The following SLC14A2 variants were observed in gnomAD, a reference collection of about 807,000 sequenced individuals.
SLC14A2 encodes the protein urea transporter 2.
Under a neutral mutation model 104.6 loss-of-function variants are expected in SLC14A2, and 91 were observed. That is an observed-to-expected ratio of 0.87 (90% CI 0.73 to 1.04). The LOEUF is 1.04. Ranked by LOEUF, SLC14A2 falls within the 50% of genes least tolerant of loss-of-function variation. The pLI is 0.00. For synonymous variants in SLC14A2, 476 were observed against 466.4 expected, an observed-to-expected ratio of 1.02 and a Z score of -0.27; for missense variants, 1,189 against 1,156.0, an observed-to-expected ratio of 1.03 and a Z score of -0.41.
intron 1 of SLC14A2, among the ~76,000 whole-genome samples, chr18:45,320,026 G>A (rs116078850): frequency 2.8e-3 from 423 of 152,278 alleles, no homozygotes; most frequent in African/African-American, 9.8e-3. Context: ...CCAGGCGTTG[G>A]GAGACCAGAC....
chr18:45,400,646 A>C (rs536609395), intron 1 of SLC14A2, among the ~76,000 whole-genome samples: 6 of 152,210 alleles, frequency 3.9e-5, no homozygotes, highest in Non-Finnish European at 5.9e-5. Context: ...TTATCCATCA[A>C]TGTTTCTTGC....
chr18:45,193,657 C>A, the SLC14A2 span, among the ~76,000 whole-genome samples: 1 of 152,090 alleles, frequency 6.6e-6, no homozygotes, highest in Non-Finnish European at 1.5e-5. Flanking sequence ...TAGCCATCTA[C>A]CTTTATTCTT....
At chr18:45,625,560 G>A in intron 2 of SLC14A2, 123 bp from the exon 3 acceptor site, 1 of 717,446 alleles carries the variant, frequency 1.4e-6, no homozygotes, top group Non-Finnish European at 2.2e-6. Context: ...ATGGGCATGT[G>A]TTCCACCCTT....
At chr18:45,215,973 A>G (rs1484502984) in intron 1 of SLC14A2, among the ~76,000 whole-genome samples, 7 of 152,210 alleles carry the variant, frequency 4.6e-5, no homozygotes, top group Admixed American at 4.6e-4. Context: ...CCTATTGAGT[A>G]CATAACATGA....
At chr18:45,349,587 A>G (rs1369328466) in intron 1 of SLC14A2, among the ~76,000 whole-genome samples, 1 of 152,196 alleles carries the variant, frequency 6.6e-6, no homozygotes, top group African/African-American at 2.4e-5. Flanking sequence ...AGTGGTCCCC[A>G]TGTTGCACTG....
At chr18:45,533,757 C>T (rs1017181535) in intron 2 of SLC14A2, among the ~76,000 whole-genome samples, 1 of 152,094 alleles carries the variant, frequency 6.6e-6, no homozygotes, top group Non-Finnish European at 1.5e-5. Context: ...AATGTGTTTG[C>T]TCTTGCTTCT....
chr18:45,337,998 G>C (rs1056344603), intron 1 of SLC14A2, among the ~76,000 whole-genome samples: 4 of 152,050 alleles, frequency 2.6e-5, no homozygotes, highest in Non-Finnish European at 5.9e-5. Flanking sequence ...TAACCTGGAG[G>C]CTTCATCTAC....
chr18:45,249,471 A>C lies in SLC14A2; in HGVS notation c.-125+36280A>C, dbSNP rs544545866. On this transcript the variant is annotated intron_variant, in intron 1 of 20. Transcript: ENST00000586448. The stretch of plus-strand genomic sequence containing the variant: ...TTGAAACAACTATTATAAAACATTC[A>C]TTTGAGAAAAGACATAACTGATCTC... Among the ~76,000 whole-genome samples, 4 of 152,188 alleles carry C rather than the reference A, an allele frequency of 2.6e-5. No homozygotes were observed. In the East Asian group the frequency reaches 7.7e-4, roughly 29 times the overall value.
chr18:45,238,466 C>A (rs2084278575), intron 1 of SLC14A2, among the ~76,000 whole-genome samples: 1 of 152,214 alleles, frequency 6.6e-6, no homozygotes, highest in Non-Finnish European at 1.5e-5. Flanking sequence ...CATGCTCATG[C>A]TCCTTGGCCC....
chr18:45,337,141 G>T (rs773355529), intron 1 of SLC14A2, among the ~76,000 whole-genome samples: 43 of 152,296 alleles, frequency 2.8e-4, no homozygotes, highest in Non-Finnish European at 4.6e-4. Context: ...GTAGCCAGGA[G>T]ACTTTGGCTA....
chr18:45,221,691 G>T (rs939274461), intron 1 of SLC14A2, among the ~76,000 whole-genome samples: 2 of 152,120 alleles, frequency 1.3e-5, no homozygotes, highest in African/African-American at 4.8e-5. Context: ...TCAGTGCAAC[G>T]TGAGAAGTAC....
At chr18:45,445,177 C>T (rs953641008) in intron 1 of SLC14A2, among the ~76,000 whole-genome samples, 5 of 143,104 alleles carry the variant, frequency 3.5e-5, no homozygotes, top group Non-Finnish European at 7.4e-5. Flanking sequence ...AGTGGCACAA[C>T]GTTGGCTCAC....
At chr18:45,334,370 CAT>C (rs1180519991) in intron 1 of SLC14A2, among the ~76,000 whole-genome samples, 1 of 152,194 alleles carries the variant, frequency 6.6e-6, no homozygotes, top group Non-Finnish European at 1.5e-5. Flanking sequence ...GCAGTAGCCA[CAT>C]GTTTCAGTTC....
At chr18:45,344,553 T>C (rs1299002095) in intron 1 of SLC14A2, among the ~76,000 whole-genome samples, 2 of 152,086 alleles carry the variant, frequency 1.3e-5, no homozygotes, top group African/African-American at 4.8e-5. Flanking sequence ...TAGAGCAGGG[T>C]CTAGAAGGGT....
intron 6 of SLC14A2, among the ~76,000 whole-genome samples, chr18:45,638,887 C>G (rs890955328): frequency 3.3e-5 from 5 of 152,210 alleles, no homozygotes; most frequent in Non-Finnish European, 7.3e-5. Context: ...CCTCTACTCC[C>G]AGGCCAGTGC....
At chr18:45,187,278 T>G in the SLC14A2 span, among the ~76,000 whole-genome samples, 5 of 152,052 alleles carry the variant, frequency 3.3e-5, no homozygotes, top group African/African-American at 1.2e-4. Flanking sequence ...ACAGACAACC[T>G]CAAAAGTTTA....
chr18:45,370,188 A>G (rs553674657), intron 1 of SLC14A2, among the ~76,000 whole-genome samples: 52 of 152,296 alleles, frequency 3.4e-4, no homozygotes, highest in Admixed American at 9.2e-4. Context: ...CTTCCTGGAA[A>G]AGGAGTATAA....
intron 1 of SLC14A2, among the ~76,000 whole-genome samples, chr18:45,478,386 T>C (rs1225370042): frequency 1.3e-5 from 2 of 152,214 alleles, no homozygotes; most frequent in Non-Finnish European, 2.9e-5. Flanking sequence ...CTGCCTTCTG[T>C]ACTGATCTCA....
intron 1 of SLC14A2, among the ~76,000 whole-genome samples, chr18:45,301,850 G>C (rs778319103): frequency 6.6e-6 from 1 of 152,174 alleles, no homozygotes; most frequent in Non-Finnish European, 1.5e-5. Context: ...ATTTGTCCTT[G>C]AGTGTGCCAT....
Sources: gnomAD v4.1 joint callset for allele counts (sites outside exome capture counted in the v4.1 genomes callset) on GRCh38, gnomAD v4.1.1 for gene constraint, MANE v1.5 for transcripts, NCBI Gene and HGNC (gene_info 2026-07-23, HGNC 2026-07-21) for gene names.